ANXA8: variants seen among roughly 807,000 people sequenced by gnomAD.
The protein encoded by ANXA8 is annexin A8, also known as VAC-beta.
A neutral mutation model predicts 26.8 loss-of-function variants in ANXA8; 9 were observed. The ratio of observed to expected loss-of-function variants is 0.34; its 90% CI spans 0.20 to 0.59. ANXA8 has a LOEUF of 0.59. Ranked by LOEUF, ANXA8 falls within the 20% of genes least tolerant of loss-of-function variation. The pLI, the probability that ANXA8 is intolerant of heterozygous loss-of-function variation, is 0.84. For missense variants in ANXA8, 83 were observed against 238.5 expected (o/e 0.35, Z 4.29); for synonymous variants, 39 against 94.8 (o/e 0.41, Z 3.42).
the ANXA8 span, among the ~76,000 whole-genome samples, chr10:47,617,541 G>C: frequency 6.8e-6 from 1 of 147,002 alleles, no homozygotes; most frequent in Admixed American, 6.7e-5. Flanking sequence ...TTTAGAACCA[G>C]TGGGAAAAAA....
At chr10:47,724,723 C>T in the ANXA8 span, among the ~76,000 whole-genome samples, 1 of 140,856 alleles carries the variant, frequency 7.1e-6, no homozygotes, top group African/African-American at 2.6e-5. Context: ...CTGAAATGTA[C>T]AATTCAATGG....
chr10:47,722,995 G>A, the ANXA8 span, among the ~76,000 whole-genome samples: 1 of 134,060 alleles, frequency 7.5e-6, no homozygotes, highest in Non-Finnish European at 1.6e-5. Flanking sequence ...TGACAGTTGG[G>A]TGAACAATAA....
the ANXA8 span, chr10:47,563,749 C>G: frequency 1.2e-6 from 1 of 826,776 alleles, no homozygotes; most frequent in African/African-American, 1.7e-5. Context: ...AAACATGTTA[C>G]TGTTAAGATG....
chr10:47,696,620 G>T, the ANXA8 span: 2 of 660,848 alleles, frequency 3.0e-6, no homozygotes, highest in Non-Finnish European at 4.6e-6. Context: ...TAAACAGTTG[G>T]AGAGTATTGG....
chr10:47,640,893 G>T, the ANXA8 span, among the ~76,000 whole-genome samples: 2 of 131,922 alleles, frequency 1.5e-5, 1 homozygote, highest in African/African-American at 6.8e-5. Flanking sequence ...TCTAAGAAAA[G>T]GAGTAGTCTT....
At chr10:47,743,353 TAC>T in the ANXA8 span, among the ~76,000 whole-genome samples, 6 of 39,090 alleles carry the variant, frequency 1.5e-4, no homozygotes, top group Non-Finnish European at 2.3e-4. Context: ...TATATATATA[TAC>T]ACATATATAT....
chr10:47,556,514 A>G, the ANXA8 span, among the ~76,000 whole-genome samples: 10 of 151,914 alleles, frequency 6.6e-5, no homozygotes, highest in Non-Finnish European at 1.5e-4. Context: ...AAAAGAATCT[A>G]CCAAAAAAAT....
the ANXA8 span, among the ~76,000 whole-genome samples, chr10:47,981,858 C>T: frequency 6.6e-6 from 1 of 151,928 alleles, no homozygotes; most frequent in Non-Finnish European, 1.5e-5. Context: ...CAATGTTTCC[C>T]AAATTGGTCT....
At chr10:47,758,933 G>GCAGT in the ANXA8 span, among the ~76,000 whole-genome samples, 1 of 30,398 alleles carries the variant, frequency 3.3e-5, no homozygotes. Context: ...CCTGGCCTCC[G>GCAGT]CAGTCACACT....
chr10:47,954,915 A>G, the ANXA8 span, among the ~76,000 whole-genome samples: 1 of 150,786 alleles, frequency 6.6e-6, no homozygotes, highest in Non-Finnish European at 1.5e-5. Context: ...ACAGATACAC[A>G]TGACAAGGAG....
the ANXA8 span, among the ~76,000 whole-genome samples, chr10:47,682,898 C>A: frequency 2.6e-5 from 4 of 152,202 alleles, no homozygotes; most frequent in Non-Finnish European, 5.9e-5. Context: ...CGTTGTATTG[C>A]AAGCCAGAAT....
the ANXA8 span, among the ~76,000 whole-genome samples, chr10:47,778,104 G>A: frequency 2.6e-5 from 4 of 151,684 alleles, no homozygotes. Flanking sequence ...TCTGGGGCAA[G>A]TACAGGTTGG....
chr10:47,768,350 A>G, the ANXA8 span, among the ~76,000 whole-genome samples: 5 of 151,588 alleles, frequency 3.3e-5, no homozygotes, highest in African/African-American at 9.8e-5. Context: ...GAGGGCAGAA[A>G]GACTTTGTTT....
chr10:47,647,515 C>G, the ANXA8 span, among the ~76,000 whole-genome samples: 2 of 149,656 alleles, frequency 1.3e-5, no homozygotes, highest in Non-Finnish European at 3.0e-5. Flanking sequence ...AATTGGAGCA[C>G]AGGAGTTCTA....
At chr10:47,594,173 T>C in the ANXA8 span, among the ~76,000 whole-genome samples, 1 of 150,740 alleles carries the variant, frequency 6.6e-6, no homozygotes, top group Non-Finnish European at 1.5e-5. Flanking sequence ...GGACTTTACC[T>C]TGTGATCGTG....
the ANXA8 span, among the ~76,000 whole-genome samples, chr10:47,547,384 G>A: frequency 7.2e-6 from 1 of 139,190 alleles, no homozygotes; most frequent in East Asian, 3.0e-4. Flanking sequence ...TACCGTTTGT[G>A]TTTTTAAAGG....
At chr10:47,677,363 C>T in the ANXA8 span, among the ~76,000 whole-genome samples, 82 of 152,190 alleles carry the variant, frequency 5.4e-4, no homozygotes, top group African/African-American at 1.3e-3. Context: ...TTAACCGCTA[C>T]GAGAATCATT....
chr10:47,580,093 ATT>A, the ANXA8 span, among the ~76,000 whole-genome samples: 10 of 150,990 alleles, frequency 6.6e-5, no homozygotes, highest in Non-Finnish European at 1.5e-4. Context: ...CAATTTGTGT[ATT>A]TTTTTGTGGA....
the ANXA8 span, among the ~76,000 whole-genome samples, chr10:47,603,700 G>A: frequency 2.7e-5 from 4 of 147,660 alleles, no homozygotes; most frequent in South Asian, 6.3e-4. Context: ...TATTAGAGAC[G>A]GGGTTTCACC....
Sources: allele counts gnomAD v4.1 joint callset (sites outside exome capture counted in the v4.1 genomes callset), GRCh38; gene constraint gnomAD v4.1.1; transcripts MANE v1.5; gene names NCBI Gene and HGNC (gene_info 2026-07-23, HGNC 2026-07-21).